The following LMAN1L variants were observed in gnomAD, a reference collection of about 807,000 sequenced individuals.
LMAN1L encodes the protein lectin, mannose binding 1 like, also known as protein ERGIC-53-like.
A neutral mutation model predicts 58.3 loss-of-function variants in LMAN1L; 60 were observed. The observed-to-expected ratio is 1.03, with a 90% CI of 0.84 to 1.27. The LOEUF (loss-of-function observed/expected upper bound fraction) is 1.27, where lower values mean the gene tolerates loss of function less well. Among genes scored for constraint, LMAN1L ranks in the 50% most tolerant of loss-of-function variants. The probability of loss-of-function intolerance (pLI) is 0.00; values close to 1 mark genes in which losing one functional copy is unlikely to be tolerated. For missense variants in LMAN1L, 629 were observed against 674.0 expected (o/e 0.93, Z 0.74); for synonymous variants, 280 against 271.6 (o/e 1.03, Z -0.31).
chr15:74,815,044 T>C (rs1646796541), intron 1 of LMAN1L, among the ~76,000 whole-genome samples: 2 of 152,214 alleles, frequency 1.3e-5, no homozygotes, highest in East Asian at 1.9e-4. Flanking sequence ...CACCCAGTGA[T>C]GTGTGCATTG....
intron 4 of LMAN1L, among the ~76,000 whole-genome samples, chr15:74,817,954 A>G (rs1800371182): frequency 6.6e-6 from 1 of 150,840 alleles, no homozygotes; most frequent in South Asian, 2.1e-4. Context: ...CAAAGGTTGC[A>G]GTGAGCCGAG....
intron 6 of LMAN1L, 185 bp from the exon 7 acceptor site, chr15:74,819,859 A>G: frequency 1.5e-6 from 1 of 647,980 alleles, no homozygotes; most frequent in Admixed American, 2.2e-5. Flanking sequence ...TTCAACCCTC[A>G]CCACCCACCC....
rs560045495 is a variant in LMAN1L, at chr15:74,824,587, G to A, written c.1451+109G>A. 37 of 1,283,848 alleles carry A rather than the reference G, an allele frequency of 2.9e-5. No homozygotes were observed. In the South Asian group the frequency reaches 3.1e-4, roughly 11 times the overall value. The allele number at this position is 1,283,848 out of a possible 1,614,324, so 79.5% of individuals were successfully genotyped here. ...CACTTCAGCTCAGAGGGGACCTGCC[G>A]AGTCCCCAAATCACAAAGAGCACAG... On this transcript the variant is annotated intron_variant, in intron 13 of 13. Coordinates refer to ENST00000309664, the MANE Select transcript of LMAN1L (RefSeq NM_021819.3).
At chr15:74,819,349 A>G (rs776461177) in intron 6 of LMAN1L, 77 bp downstream of exon 6, 3 of 1,538,558 alleles carry the variant, frequency 1.9e-6, no homozygotes, top group Non-Finnish European at 2.6e-6. Context: ...TCTAAAGAGC[A>G]CTGGGGTGGC....
intron 11 of LMAN1L, among the ~76,000 whole-genome samples, 172 bp from the exon 12 acceptor site, chr15:74,823,387 G>A (rs2063925898): frequency 6.6e-6 from 1 of 152,144 alleles, no homozygotes; most frequent in South Asian, 2.1e-4. Flanking sequence ...AAAGTCTCAG[G>A]ATCTAGGAAG....
intron 12 of LMAN1L, 174 bp from the exon 13 acceptor site, chr15:74,824,177 C>G (rs1196498932): frequency 3.0e-6 from 2 of 661,372 alleles, no homozygotes; most frequent in South Asian, 1.9e-5. Context: ...GCCATGGGAG[C>G]TGGGGTGGGG....
In LMAN1L at chr15:74,816,525, G is replaced by T. The variant is rs765346596; in HGVS notation, c.429G>T (p.Glu143Asp). ...GGATCTTCTTTGACTCTCCGGCAGA[G>T]GATACTCAGGTGCGTAGTGGTCTCC... ...GIGIFFDSPA[E>D]DTQDSPAIRV... Residue 143 changes from glutamate to aspartate, a missense_variant, in exon 3 of 14, where the codon GAG (glutamate) becomes GAT (aspartate). By Grantham distance (45) the Glu-to-Asp change is conservative. Coordinates refer to ENST00000309664, the MANE Select transcript of LMAN1L (RefSeq NM_021819.3). 6.3e-5 allele frequency: 98 copies of T among 1,559,346 alleles called. No homozygotes were observed. Among genetic ancestry groups the T allele is most frequent in the Non-Finnish European group, 8.4e-5 (96 of 1,149,304 alleles).
chr15:74,819,374 C>A, intron 6 of LMAN1L, 102 bp downstream of exon 6: 1 of 1,437,934 alleles, frequency 7.0e-7, no homozygotes. Flanking sequence ...GCCACTTCAC[C>A]ACATGACCTG....
intron 7 of LMAN1L, 44 bp downstream of exon 7, chr15:74,820,143 C>T (rs2063909829): frequency 1.3e-6 from 2 of 1,523,968 alleles, no homozygotes; most frequent in East Asian, 2.3e-5. Context: ...GCCCAGGGAC[C>T]CTGCCCTCAC....
chr15:74,813,369 A>G, intron 1 of LMAN1L: 1 of 480,298 alleles, frequency 2.1e-6, no homozygotes, highest in South Asian at 1.5e-5. Flanking sequence ...CCAGGCACAC[A>G]GAAGGCAATG....
chr15:74,820,889 G>A (rs576913667), intron 8 of LMAN1L, 122 bp downstream of exon 8: 1,770 of 1,399,454 alleles, frequency 1.3e-3, no homozygotes, highest in Non-Finnish European at 1.6e-3. Context: ...CATCTAAGCA[G>A]GCCCTGGGCC....
rs1337564703 is a variant in LMAN1L at position 74,812,976 on chromosome 15, GC to G, written c.125del (p.Pro42GlnfsTer28). 1 of 1,613,936 alleles carries G rather than the reference GC, an allele frequency of 6.2e-7. No homozygotes were observed. Among genetic ancestry groups the G allele is most frequent in the Non-Finnish European group, 8.5e-7 (1 of 1,179,984 alleles). On this transcript the variant is annotated frameshift_variant, in exon 1 of 14. Transcript: ENST00000309664. LOFTEE classifies it high-confidence loss of function. The part of the protein sequence containing the change: ...RRFEYKLSFK[G>X]PRLALPGAGI... The stretch of plus-strand genomic sequence containing the variant: ...TTTGAGTACAAGCTCAGCTTCAAAG[GC>G]CCAAGGCTGGCATTGCCTGGGGCTG...
rs950781115 is a variant in LMAN1L at position 74,825,484 on chromosome 15, TG to T, written c.1461del (p.Asn488ThrfsTer28). On this transcript the variant is annotated frameshift_variant, in exon 14 of 14. Transcript: ENST00000309664. LOFTEE classifies it low-confidence loss of function (END_TRUNC). The part of the protein sequence containing the change: ...FFGYVHFRQE[L>X]NKSLQECLST... ...CTTCTCTCTGGCAGCAGGCAGGAGC[TG>T]AACAAGAGCCTTCAGGAGTGTCTGT... 8 of 1,610,506 alleles carry T rather than the reference TG, an allele frequency of 5.0e-6. No homozygotes were observed. Among genetic ancestry groups the T allele is most frequent in the Non-Finnish European group, 5.9e-6 (7 of 1,177,298 alleles).
At chr15:74,822,734 C>T (rs546137453) in intron 11 of LMAN1L, 25 bp downstream of exon 11, 4 of 1,576,888 alleles carry the variant, frequency 2.5e-6, no homozygotes, top group East Asian at 4.5e-5. Context: ...GGGGACCCCT[C>T]CACCACCTTG....
chr15:74,824,285 G>A, intron 12 of LMAN1L, 66 bp from the exon 13 acceptor site: 1 of 1,503,472 alleles, frequency 6.7e-7, no homozygotes, highest in Non-Finnish European at 9.1e-7. Context: ...ACATGGCCTA[G>A]ATTCCAGGTC....
chr15:74,825,535 C>T lies in LMAN1L; in HGVS notation c.1511C>T (p.Pro504Leu), dbSNP rs1482960971. 6.2e-7 allele frequency: 1 copy of T among 1,613,806 alleles called. No homozygotes were observed. The highest frequency in any genetic ancestry group is 8.5e-7 in the Non-Finnish European group (1 of 1,179,806). The change falls in exon 14 of 14, where the codon CCT (proline) becomes CTT (leucine). Residue 504 changes from proline to leucine, a missense_variant. Coordinates refer to ENST00000309664, the MANE Select transcript of LMAN1L (RefSeq NM_021819.3). Reference sequence around the variant, plus strand: ...TCCACAGGCAGCCTTCCTCTGGGTCCTGCACCACACACCCCCAGGGCCCTG... The same window carrying T: ...TCCACAGGCAGCCTTCCTCTGGGTCTTGCACCACACACCCCCAGGGCCCTG... The part of the protein sequence containing the change: ...CLSTGSLPLG[P>L]APHTPRALGI...
intron 6 of LMAN1L, chr15:74,819,586 G>A (rs1231072254): frequency 3.1e-5 from 16 of 510,928 alleles, no homozygotes; most frequent in Non-Finnish European, 5.2e-5. Context: ...GAGAGTCCAC[G>A]GAGGGTCCCA....
At chr15:74,816,851 T>C (rs1326484332) in intron 4 of LMAN1L, among the ~76,000 whole-genome samples, 161 bp downstream of exon 4, 7 of 152,116 alleles carry the variant, frequency 4.6e-5, no homozygotes, top group Admixed American at 4.6e-4. Context: ...TCCGCCCCCC[T>C]GGGGCTTGAT....
Position 74,821,072 on chromosome 15 carries a change from C to T in LMAN1L, c.908-3C>T. The T allele has an allele frequency of 2.5e-6, 4 of 1,575,012 alleles. No homozygotes were observed. The South Asian group carries it at 3.5e-5, about 14-fold the overall frequency. On this transcript the variant is annotated splice_polypyrimidine_tract_variant and splice_region_variant and intron_variant, in intron 8 of 13. Transcript: ENST00000309664. ...CCCATCCCAGCTCTGCCCTAATCCCCAGGGGAAAGGCTCTTTGACCTGGAG... is the reference window on the plus strand; with the variant it reads ...CCCATCCCAGCTCTGCCCTAATCCCTAGGGGAAAGGCTCTTTGACCTGGAG...
Sources: allele counts gnomAD v4.1 joint callset (sites outside exome capture counted in the v4.1 genomes callset), GRCh38; gene constraint gnomAD v4.1.1; transcripts MANE v1.5; gene names NCBI Gene and HGNC (gene_info 2026-07-23, HGNC 2026-07-21).